GALNT14: variants seen among roughly 807,000 people sequenced by gnomAD.
GALNT14 encodes the protein UDP-GalNAc:polypeptide N-acetylgalactosaminyltransferase 14.
GALNT14 carries 60 observed loss-of-function variants against 77.5 expected under a neutral mutation model. That is an observed-to-expected ratio of 0.77 (90% CI 0.63 to 0.96). GALNT14 has a LOEUF of 0.96. Among genes scored for constraint, GALNT14 ranks in the 40% least tolerant of loss-of-function variants. The pLI, the probability that GALNT14 is intolerant of heterozygous loss-of-function variation, is 0.00. For synonymous variants in GALNT14, 280 were observed against 281.7 expected (o/e 0.99, Z 0.06); for missense variants, 710 against 731.0 (o/e 0.97, Z 0.33).
rs116553186 is a variant in GALNT14 at position 31,058,805 on chromosome 2, C to T, written c.130-65798G>A. 3.5e-3 allele frequency among the ~76,000 whole-genome samples: 531 copies of T among 152,262 alleles called. 2 individuals carry two copies. The highest frequency in any genetic ancestry group is 6.0e-3 in the Non-Finnish European group (411 of 68,016). ...TATTTTTTTTGGATGAGACAAAGTT[C>T]GGAGACATTAAGAGAATTGTCCAAA... is the stretch of plus-strand genomic sequence containing the variant. On this transcript the variant is annotated intron_variant, in intron 1 of 14. Coordinates refer to ENST00000349752, the MANE Select transcript of GALNT14 (RefSeq NM_024572.4).
chr2:30,934,787 C>T (rs898947772), intron 9 of GALNT14, among the ~76,000 whole-genome samples: 1 of 152,158 alleles, frequency 6.6e-6, no homozygotes, highest in African/African-American at 2.4e-5. Context: ...ACACTGCTGT[C>T]GCCTCTGCTC....
intron 1 of GALNT14, chr2:31,114,596 A>G: frequency 1.6e-6 from 1 of 612,654 alleles, no homozygotes; most frequent in Non-Finnish European, 2.9e-6. Flanking sequence ...AAGAGCAAAA[A>G]TACAAAGAAA....
intron 1 of GALNT14, among the ~76,000 whole-genome samples, chr2:31,048,443 C>T (rs1673620481): frequency 6.6e-6 from 1 of 152,144 alleles, no homozygotes; most frequent in African/African-American, 2.4e-5. Context: ...AGCAGACAGT[C>T]CTAATGGTGG....
intron 1 of GALNT14, among the ~76,000 whole-genome samples, chr2:31,033,863 T>C (rs1277876809): frequency 2.0e-5 from 3 of 152,210 alleles, no homozygotes; most frequent in Admixed American, 6.5e-5. Flanking sequence ...GTTCTCACTA[T>C]TGAAAAAGCA....
rs574030361 is a variant in GALNT14 at position 30,979,304 on chromosome 2, G to A, written c.300-13002C>T. ...ACAAAATGGGAGTGGGGGGAGAGCA[G>A]GATGATGCCACAGATCAGGGCTTGG... On this transcript the variant is annotated intron_variant, in intron 2 of 14. Transcript: ENST00000349752. 4.0e-4 allele frequency among the ~76,000 whole-genome samples: 61 copies of A among 152,356 alleles called. No homozygotes were observed. In the South Asian group the frequency reaches 8.7e-3, roughly 22 times the overall value.
chr2:30,921,564 G>A lies in GALNT14; in HGVS notation c.1380+2555C>T, dbSNP rs547917362. Among the ~76,000 whole-genome samples the A allele has an allele frequency of 4.6e-5, 7 of 152,318 alleles. No homozygotes were observed. The South Asian group carries it at 1.5e-3, about 32-fold the overall frequency. On this transcript the variant is annotated intron_variant, in intron 13 of 14. Coordinates refer to ENST00000349752, the MANE Select transcript of GALNT14 (RefSeq NM_024572.4). The stretch of plus-strand genomic sequence containing the variant: ...AGCCACCGCAAGCTGGAGCTGGGTT[G>A]AGATGCCTCAAGTACCAAGGCCAAG...
chr2:30,916,571 C>T (rs1167227739), intron 13 of GALNT14, among the ~76,000 whole-genome samples: 1 of 152,160 alleles, frequency 6.6e-6, no homozygotes, highest in East Asian at 1.9e-4. Flanking sequence ...GGTCAGACAG[C>T]CTTAAAACCT....
intron 1 of GALNT14, among the ~76,000 whole-genome samples, chr2:31,058,396 C>G (rs528179635): frequency 1.3e-5 from 2 of 151,952 alleles, no homozygotes; most frequent in South Asian, 4.2e-4. Flanking sequence ...GCTTTCATTG[C>G]AGGCAGGTGC....
intron 1 of GALNT14, among the ~76,000 whole-genome samples, chr2:31,095,438 T>C (rs1390557414): frequency 6.6e-6 from 1 of 152,150 alleles, no homozygotes; most frequent in Non-Finnish European, 1.5e-5. Flanking sequence ...CAAAGGGTCA[T>C]ATGCCAGTCT....
chr2:31,042,835 C>T (rs1005724243), intron 1 of GALNT14, among the ~76,000 whole-genome samples: 21 of 152,214 alleles, frequency 1.4e-4, no homozygotes, highest in Non-Finnish European at 8.8e-5. Context: ...TCCCTCCTTC[C>T]TCCTGTGCTC....
intron 1 of GALNT14, among the ~76,000 whole-genome samples, chr2:31,028,560 C>T (rs1672218769): frequency 6.6e-6 from 1 of 152,242 alleles, no homozygotes; most frequent in Non-Finnish European, 1.5e-5. Context: ...ATGGGGTGCT[C>T]CCACACATAA....
intron 1 of GALNT14, among the ~76,000 whole-genome samples, chr2:31,035,289 T>A (rs1389587832): frequency 6.6e-6 from 1 of 152,176 alleles, no homozygotes; most frequent in Non-Finnish European, 1.5e-5. Flanking sequence ...ATTAGATGCA[T>A]ATATGTTCAC....
chr2:31,011,069 G>A (rs1427201955), intron 1 of GALNT14, among the ~76,000 whole-genome samples: 1 of 152,216 alleles, frequency 6.6e-6, no homozygotes, highest in African/African-American at 2.4e-5. Context: ...CAGGAAGGAG[G>A]GAGGGAAGGG....
chr2:30,995,818 T>G (rs370097245), intron 1 of GALNT14, among the ~76,000 whole-genome samples: 1 of 152,140 alleles, frequency 6.6e-6, no homozygotes. Flanking sequence ...TATATGATCT[T>G]TTATATATAT....
At chr2:31,088,290 A>G (rs1288137779) in intron 1 of GALNT14, among the ~76,000 whole-genome samples, 1 of 152,222 alleles carries the variant, frequency 6.6e-6, no homozygotes, top group Non-Finnish European at 1.5e-5. Flanking sequence ...AATGGGACAC[A>G]AGATGGAAGA....
intron 9 of GALNT14, among the ~76,000 whole-genome samples, chr2:30,932,793 A>T (rs191884299): frequency 4.2e-4 from 64 of 152,334 alleles, no homozygotes; most frequent in African/African-American, 1.3e-3. Context: ...AGTGAATGCA[A>T]TTCTACCACT....
At chr2:30,969,407 TC>T (rs1198574995) in intron 2 of GALNT14, among the ~76,000 whole-genome samples, 2 of 152,102 alleles carry the variant, frequency 1.3e-5, no homozygotes, top group African/African-American at 4.8e-5. Context: ...TACAAGTTAC[TC>T]AGGGGCAAGT....
chr2:31,002,049 G>A (rs1279654602), intron 1 of GALNT14, among the ~76,000 whole-genome samples: 1 of 152,054 alleles, frequency 6.6e-6, no homozygotes, highest in Non-Finnish European at 1.5e-5. Flanking sequence ...CCCCTATGAA[G>A]TAGCCAGGCT....
chr2:31,066,963 G>A (rs1015930845), intron 1 of GALNT14, among the ~76,000 whole-genome samples: 35 of 151,904 alleles, frequency 2.3e-4, no homozygotes, highest in African/African-American at 8.2e-4. Flanking sequence ...ATTGCCCAGG[G>A]GCCTGGACAT....
Sources: gnomAD v4.1 joint callset for allele counts (sites outside exome capture counted in the v4.1 genomes callset) on GRCh38, gnomAD v4.1.1 for gene constraint, MANE v1.5 for transcripts, NCBI Gene and HGNC (gene_info 2026-07-23, HGNC 2026-07-21) for gene names.